Variants in LBX1 observed in about 807,000 individuals in gnomAD.
The protein encoded by LBX1 is ladybird homeobox 1.
LBX1 carries 6 observed loss-of-function variants against 19.9 expected under a neutral mutation model. The ratio of observed to expected loss-of-function variants is 0.30; its 90% confidence interval spans 0.17 to 0.60. LBX1 has a LOEUF of 0.60. LBX1 is among the 20% of genes least tolerant of loss of function. The pLI, the probability that LBX1 is intolerant of heterozygous loss-of-function variation, is 0.87. For missense variants in LBX1, 344 were observed against 393.7 expected (o/e 0.87, Z 1.07); for synonymous variants, 190 against 189.3 (o/e 1.00, Z -0.03).
rs991260880 is a variant in LBX1, at chr10:101,228,548, C to T, written c.268G>A (p.Glu90Lys). 5 of 1,554,786 alleles carry T rather than the reference C, an allele frequency of 3.2e-6. No homozygotes were observed. The African/African-American group carries it at 5.5e-5, about 17-fold the overall frequency. ...CCCTTAAACGTCTTGCTGGCGAGCT[C>T]CTCCAGCGCGCACAGCGGCGAGGTC... ...SQTSPLCALE[E>K]LASKTFKGLE... The change falls in exon 1 of 2, where the codon GAG becomes AAG. Residue 90 changes from glutamate to lysine, a missense_variant. By Grantham distance (56) the Glu-to-Lys change is moderately conservative. Around this residue, in one of 3 missense-constraint regions of LBX1, gnomAD observed 153 missense variants for 168.9 expected, o/e 0.91. Coordinates refer to ENST00000370193, the MANE Select transcript of LBX1 (RefSeq NM_006562.5).
At chr10:101,227,874 C>G in intron 1 of LBX1, 84 bp from the exon 2 acceptor site, 1 of 1,318,110 alleles carries the variant, frequency 7.6e-7, no homozygotes, top group Non-Finnish European at 1.0e-6. Flanking sequence ...GTAACCCACC[C>G]AGGCCTGTCC....
In LBX1 at chr10:101,227,395, C is replaced by A. The variant is rs774344628; in HGVS notation, c.721G>T (p.Ala241Ser). 9 of 1,602,836 alleles carry A rather than the reference C, an allele frequency of 5.6e-6. No homozygotes were observed. In the South Asian group the frequency reaches 7.7e-5, roughly 14 times the overall value. ...GCGCCAGCGCCCGGGGCCTTCGGGG[C>A]GCCTGGGGGGAGGACCGGAGAGCCG... Reference protein sequence around the residue: ...RPGSPVLPPGAPKAPGAGALQ... With the variant: ...RPGSPVLPPGSPKAPGAGALQ... The change falls in exon 2 of 2, where the codon GCC becomes TCC. Residue 241 changes from alanine to serine, a missense_variant. Ala to Ser is a moderately conservative substitution (Grantham distance 99). Coordinates refer to ENST00000370193, the MANE Select transcript of LBX1 (RefSeq NM_006562.5).
At position 101,228,567 on chromosome 10, in the gene LBX1, C is replaced by A; in HGVS notation, c.249G>T (p.Ser83=). ...LAGRALLSQT[S]PLCALEELAS... Reference sequence around the variant, plus strand: ...CGAGCTCCTCCAGCGCGCACAGCGGCGAGGTCTGCGAGAGCAGCGCGCGGC... The same window carrying A: ...CGAGCTCCTCCAGCGCGCACAGCGGAGAGGTCTGCGAGAGCAGCGCGCGGC... Residue 83 remains serine (S), a synonymous_variant, in exon 1 of 2, where the codon TCG becomes TCT. Transcript: ENST00000370193. 6.4e-7 allele frequency: 1 copy of A among 1,554,400 alleles called. No homozygotes were observed. The highest frequency in any genetic ancestry group is 1.7e-4 in the Middle Eastern group (1 of 5,972).
chr10:101,227,717 G>C lies in LBX1; in HGVS notation c.399C>G (p.Thr133=). 1 of 1,612,620 alleles carries C rather than the reference G, an allele frequency of 6.2e-7. No homozygotes were observed. The highest frequency in any genetic ancestry group is 1.3e-5 in the African/African-American group (1 of 75,044). ...TTTCCAATTCATAGATCTGGTGGTT[G>C]GTGAAGGCCGTGCGCGACTTTCGCC... ...KKRRKSRTAF[T]NHQIYELEKR... is the part of the protein sequence containing the mutation. The change falls in exon 2 of 2, where the codon ACC becomes ACG. Residue 133 remains threonine (T), a synonymous_variant. Transcript: ENST00000370193.
At position 101,227,259 on chromosome 10, in the gene LBX1, C is replaced by T; in HGVS notation, c.*11G>A. ...TAGGAGCCCAGGGCGGCGGAAGACCCGGGGCGCCGCTCAATCGTCCACGTC... is the reference window on the plus strand; with the variant it reads ...TAGGAGCCCAGGGCGGCGGAAGACCTGGGGCGCCGCTCAATCGTCCACGTC... On this transcript the variant is annotated 3_prime_UTR_variant, in exon 2 of 2. Transcript: ENST00000370193. 6.3e-7 allele frequency: 1 copy of T among 1,597,962 alleles called. No individual in the cohort carries two copies. The highest frequency in any genetic ancestry group is 8.5e-7 in the Non-Finnish European group (1 of 1,174,704).
chr10:101,227,237 G>A lies in LBX1; in HGVS notation c.*33C>T. The A allele has an allele frequency of 6.3e-7, 1 of 1,584,080 alleles. No individual in the cohort carries two copies. The highest frequency in any genetic ancestry group is 8.6e-7 in the Non-Finnish European group (1 of 1,168,704). ...GAGGCGTTGGGCTTTCGAGCGCTAGGAGCCCAGGGCGGCGGAAGACCCGGG... is the reference window on the plus strand; with the variant it reads ...GAGGCGTTGGGCTTTCGAGCGCTAGAAGCCCAGGGCGGCGGAAGACCCGGG... On this transcript the variant is annotated 3_prime_UTR_variant, in exon 2 of 2. Coordinates refer to ENST00000370193, the MANE Select transcript of LBX1 (RefSeq NM_006562.5).
At chr10:101,228,288 C>T (rs936956032) in intron 1 of LBX1, among the ~76,000 whole-genome samples, 2 of 152,218 alleles carry the variant, frequency 1.3e-5, no homozygotes, top group Admixed American at 6.5e-5. Flanking sequence ...TCCTGCCACC[C>T]CCCAGCTCTG....
Position 101,227,340 on chromosome 10 carries a change from G to A in LBX1, c.776C>T (p.Thr259Met), listed in dbSNP as rs144870790. ...ALQLSPASPLTDQPASSQDCS... is the reference protein window; with the variant it reads ...ALQLSPASPLMDQPASSQDCS... ...GTCCTGGCTGCTGGCCGGCTGGTCC[G>A]TGAGCGGAGAGGCAGGCGAGAGCTG... The change falls in exon 2 of 2, where the codon ACG (threonine) becomes ATG (methionine). Residue 259 changes from threonine to methionine, a missense_variant. Physicochemically the swap from Thr to Met is moderately conservative, Grantham distance 81 (BLOSUM62 -1). Around this residue, in one of 3 missense-constraint regions of LBX1, gnomAD observed 146 missense variants for 124.2 expected, o/e 1.18. Coordinates refer to ENST00000370193, the MANE Select transcript of LBX1 (RefSeq NM_006562.5). 1.4e-5 allele frequency: 23 copies of A among 1,608,956 alleles called. No individual in the cohort carries two copies. The African/African-American group carries it at 2.4e-4, about 17-fold the overall frequency.
chr10:101,229,126 G>A lies in LBX1; in HGVS notation c.-311C>T, dbSNP rs1941083814. 1 of 156,252 alleles carries A rather than the reference G, an allele frequency of 6.4e-6. No homozygotes were observed. 9.7% of individuals were successfully genotyped at this position (156,252 alleles called of 1,614,324 possible). A position where few individuals can be genotyped will look rare whatever the true frequency, so the allele number is the denominator to read the frequency against. ...CCCCGGTGCTATTTAAAGGTGTCAG[G>A]TGGCTCGGCAGTGGCTCCTGGCCCC... is the stretch of plus-strand genomic sequence containing the variant. On this transcript the variant is annotated 5_prime_UTR_variant, in exon 1 of 2. Coordinates refer to ENST00000370193, the MANE Select transcript of LBX1 (RefSeq NM_006562.5). The surrounding 1 kb of genome is among the most constrained non-coding windows in gnomAD (Gnocchi z 6.4).
rs1941081605 is a variant in LBX1, at chr10:101,228,970, G to C, written c.-155C>G. ...GGCCGGGCGCGGGGCCGATTAGCGC[G>C]GCGGCTGAGGAGGGGAGAACAGCGC... On this transcript the variant is annotated 5_prime_UTR_variant, in exon 1 of 2. Transcript: ENST00000370193. The C allele has an allele frequency of 3.7e-6, 1 of 269,168 alleles. No homozygotes were observed. Among genetic ancestry groups the C allele is most frequent in the African/African-American group, 2.3e-5 (1 of 43,830 alleles). 16.7% of individuals were successfully genotyped at this position (269,168 alleles called of 1,614,324 possible). A position where few individuals can be genotyped will look rare whatever the true frequency, so the allele number is the denominator to read the frequency against.
rs919577485 is a variant in LBX1, at chr10:101,228,572, T to C, written c.244A>G (p.Thr82Ala). The change falls in exon 1 of 2, where the codon ACC (threonine) becomes GCC (alanine). Residue 82 changes from threonine to alanine, a missense_variant. By Grantham distance (58) the Thr-to-Ala change is moderately conservative. Coordinates refer to ENST00000370193, the MANE Select transcript of LBX1 (RefSeq NM_006562.5). The part of the protein sequence containing the change: ...PLAGRALLSQ[T>A]SPLCALEELA... The stretch of plus-strand genomic sequence containing the variant: ...TCCTCCAGCGCGCACAGCGGCGAGG[T>C]CTGCGAGAGCAGCGCGCGGCCCGCC... 2 of 1,555,300 alleles carry C rather than the reference T, an allele frequency of 1.3e-6. No homozygotes were observed. The highest frequency in any genetic ancestry group is 3.9e-5 in the Admixed American group (2 of 51,256).
At position 101,227,157 on chromosome 10, in the gene LBX1, G is replaced by C; in HGVS notation, c.*113C>G. 2.9e-6 allele frequency: 3 copies of C among 1,030,730 alleles called. No homozygotes were observed. Among genetic ancestry groups the C allele is most frequent in the Non-Finnish European group, 4.2e-6 (3 of 722,016 alleles). 63.8% of individuals were successfully genotyped at this position (1,030,730 alleles called of 1,614,324 possible). A position where few individuals can be genotyped will look rare whatever the true frequency, so the allele number is the denominator to read the frequency against. On this transcript the variant is annotated 3_prime_UTR_variant, in exon 2 of 2. Transcript: ENST00000370193. ...GCCGAGTCCGGGGCCGGGGACAGGG[G>C]AGGAGGCGGGAGTTGGCAGAGGAGG...
At position 101,229,289 on chromosome 10, in the gene LBX1, A is replaced by T. The variant is rs1430367818; in HGVS notation, c.-474T>A. Reference sequence around the variant, plus strand: ...GGTGTAATCAATTATCTGCAGCGGCACTTCTTTCTCTTTCTCTCTCCTTTC... The same window carrying T: ...GGTGTAATCAATTATCTGCAGCGGCTCTTCTTTCTCTTTCTCTCTCCTTTC... On this transcript the variant is annotated 5_prime_UTR_variant, in exon 1 of 2. Transcript: ENST00000370193. This position sits in a 1 kb window ranked among gnomAD's most constrained non-coding sequence, Gnocchi z 6.4. The T allele has an allele frequency of 1.3e-5, 2 of 153,574 alleles. No individual in the cohort carries two copies. Among genetic ancestry groups the T allele is most frequent in the Non-Finnish European group, 2.9e-5 (2 of 69,062 alleles). The allele number at this position is 153,574 out of a possible 1,614,324, so 9.5% of individuals were successfully genotyped here. A position where few individuals can be genotyped will look rare whatever the true frequency, so the allele number is the denominator to read the frequency against.
chr10:101,227,112 G>A lies in LBX1; in HGVS notation c.*158C>T. The A allele has an allele frequency of 1.4e-6, 1 of 699,628 alleles. No individual in the cohort carries two copies. 43.3% of individuals were successfully genotyped at this position (699,628 alleles called of 1,614,324 possible). On this transcript the variant is annotated 3_prime_UTR_variant, in exon 2 of 2. Coordinates refer to ENST00000370193, the MANE Select transcript of LBX1 (RefSeq NM_006562.5). Reference sequence around the variant, plus strand: ...CAGCCTGGGTTTATTGCTTCGAGAGGGAAGAGGCGGCTGCCAGGAGCCGAG... The same window carrying A: ...CAGCCTGGGTTTATTGCTTCGAGAGAGAAGAGGCGGCTGCCAGGAGCCGAG...
rs201740254 is a variant in LBX1, at chr10:101,228,743, G to T, written c.73C>A (p.Pro25Thr). 3.7e-6 allele frequency: 6 copies of T among 1,604,422 alleles called. No individual in the cohort carries two copies. The highest frequency in any genetic ancestry group is 5.1e-6 in the Non-Finnish European group (6 of 1,177,120). The change falls in exon 1 of 2, where the codon CCG becomes ACG. Residue 25 changes from proline (P) to threonine (T), a missense_variant. Around this residue, in one of 3 missense-constraint regions of LBX1, gnomAD observed 153 missense variants for 168.9 expected, o/e 0.91. Coordinates refer to ENST00000370193, the MANE Select transcript of LBX1 (RefSeq NM_006562.5). ...RRRSPLDHLP[P>T]PANSNKPLTP... The stretch of plus-strand genomic sequence containing the variant: ...AGTGGCTTGTTGGAGTTGGCAGGCG[G>T]AGGCAGGTGGTCCAGCGGGCTGCGC...
chr10:101,228,317 G>A (rs976122477), intron 1 of LBX1, among the ~76,000 whole-genome samples, 174 bp downstream of exon 1: 1 of 152,202 alleles, frequency 6.6e-6, no homozygotes, highest in Non-Finnish European at 1.5e-5. Context: ...AGAGGTCCCT[G>A]GGAAATAAGG....
rs111303170 is a variant in LBX1, at chr10:101,227,204, C to G, written c.*66G>C. ...GAGGTCCCAGCTCCCCTCGGCGGTC[C>G]GGTCCGGGAGGCGTTGGGCTTTCGA... On this transcript the variant is annotated 3_prime_UTR_variant, in exon 2 of 2. Coordinates refer to ENST00000370193, the MANE Select transcript of LBX1 (RefSeq NM_006562.5). 45 of 1,498,154 alleles carry G rather than the reference C, an allele frequency of 3.0e-5. No homozygotes were observed. The African/African-American group carries it at 4.2e-4, about 14-fold the overall frequency. 92.8% of individuals were successfully genotyped at this position (1,498,154 alleles called of 1,614,324 possible). A position where few individuals can be genotyped will look rare whatever the true frequency, so the allele number is the denominator to read the frequency against.
chr10:101,227,336 G>A lies in LBX1; in HGVS notation c.780C>T (p.Asp260=). Residue 260 remains aspartate, a synonymous_variant, in exon 2 of 2, where the codon GAC becomes GAT. Coordinates refer to ENST00000370193, the MANE Select transcript of LBX1 (RefSeq NM_006562.5). ...AGCAGTCCTGGCTGCTGGCCGGCTG[G>A]TCCGTGAGCGGAGAGGCAGGCGAGA... The part of the protein sequence containing the change: ...LQLSPASPLT[D]QPASSQDCSE... 6.2e-7 allele frequency: 1 copy of A among 1,609,144 alleles called. No individual in the cohort carries two copies. The highest frequency in any genetic ancestry group is 8.5e-7 in the Non-Finnish European group (1 of 1,178,832).
chr10:101,228,184 C>G (rs902000582), intron 1 of LBX1, among the ~76,000 whole-genome samples: 2 of 152,152 alleles, frequency 1.3e-5, no homozygotes, highest in Non-Finnish European at 2.9e-5. Context: ...CGATTCCCCA[C>G]GCCGAGTAGC....
Sources: allele counts gnomAD v4.1 joint callset (sites outside exome capture counted in the v4.1 genomes callset), GRCh38; gene constraint gnomAD v4.1.1; regional missense constraint gnomAD v4.1.1; non-coding constraint Gnocchi (gnomAD v3.1); transcripts MANE v1.5; gene names NCBI Gene and HGNC (gene_info 2026-07-23, HGNC 2026-07-21).